The following KHDRBS3 variants were observed in gnomAD, a reference collection of about 807,000 sequenced individuals.
The protein encoded by KHDRBS3 is KH domain-containing, RNA-binding, signal transduction-associated protein 3.
Under a neutral mutation model 45.6 loss-of-function variants are expected in KHDRBS3, and 23 were observed. The ratio of observed to expected loss-of-function variants is 0.50; its 90% CI spans 0.36 to 0.72. The LOEUF is 0.72. KHDRBS3 is among the 30% of genes least tolerant of loss of function. The pLI is 0.00. For synonymous variants in KHDRBS3, 162 were observed against 156.5 expected (o/e 1.04, Z -0.26); for missense variants, 352 against 424.8 (o/e 0.83, Z 1.51).
intron 5 of KHDRBS3, among the ~76,000 whole-genome samples, chr8:135,569,618 A>C (rs995733809): frequency 2.6e-5 from 4 of 152,134 alleles, no homozygotes; most frequent in African/African-American, 9.7e-5. Context: ...GGAAAGAAAA[A>C]ATATATATAT....
At chr8:135,604,188 AAT>A (rs935125428) in intron 6 of KHDRBS3, among the ~76,000 whole-genome samples, 1 of 151,722 alleles carries the variant, frequency 6.6e-6, no homozygotes, top group African/African-American at 2.4e-5. Context: ...ATTTTTCTCT[AAT>A]AATTTTTGTC....
intron 5 of KHDRBS3, among the ~76,000 whole-genome samples, chr8:135,570,045 G>A (rs1393611938): frequency 6.6e-6 from 1 of 151,992 alleles, no homozygotes; most frequent in East Asian, 1.9e-4. Flanking sequence ...AGCCTTACGG[G>A]GCAATTCTGT....
intron 6 of KHDRBS3, among the ~76,000 whole-genome samples, chr8:135,603,737 A>G (rs12680640): frequency 0.16 from 24,502 of 152,040 alleles, 2,971 homozygotes; most frequent in East Asian, 0.53. Context: ...CTTCATATTA[A>G]TATTTATTTT....
At chr8:135,600,065 T>C (rs4314680) in intron 6 of KHDRBS3, among the ~76,000 whole-genome samples, 19,534 of 20,560 alleles carry the variant, frequency 0.95, 9,424 homozygotes, top group East Asian at 1. Context: ...CAGGCACCTC[T>C]CTCACAGCAC....
In KHDRBS3 at chr8:135,537,574, A is replaced by T. The variant is rs73373316; in HGVS notation, c.208-5080A>T. On this transcript the variant is annotated intron_variant, in intron 2 of 8. Transcript: ENST00000355849. ...CATCTTCATAATCACTTGAAAACCA[A>T]CTCAGGGTATGTGACTTTTCCTGAT... 6.8e-3 allele frequency among the ~76,000 whole-genome samples: 1,033 copies of T among 152,296 alleles called. 9 individuals are homozygous for T. Among genetic ancestry groups the T allele is most frequent in the African/African-American group, 0.024 (991 of 41,558 alleles).
intron 4 of KHDRBS3, among the ~76,000 whole-genome samples, chr8:135,654,385 A>G (rs1430822188): frequency 6.6e-6 from 1 of 152,226 alleles, no homozygotes; most frequent in East Asian, 1.9e-4. Context: ...GTCATGGTGC[A>G]TCTTCATATG....
At chr8:135,565,776 T>C (rs1827385314) in intron 5 of KHDRBS3, among the ~76,000 whole-genome samples, 1 of 152,218 alleles carries the variant, frequency 6.6e-6, no homozygotes, top group Non-Finnish European at 1.5e-5. Context: ...CTCAGAGCCT[T>C]CCATTGGAGT....
At position 135,494,568 on chromosome 8, in the gene KHDRBS3, G is replaced by A. The variant is rs1039149378; in HGVS notation, c.89-26669G>A. ...GCTGGGATTACAGGCTTGAGCCACC[G>A]CGCCCAGCCCTCCTCCTTTTGTTTC... On this transcript the variant is annotated intron_variant, in intron 1 of 8. Transcript: ENST00000355849. Among the ~76,000 whole-genome samples the A allele has an allele frequency of 8.0e-4, 122 of 152,158 alleles. 1 individual carries two copies. The highest frequency in any genetic ancestry group is 4.1e-3 in the Admixed American group (62 of 15,270).
intron 1 of KHDRBS3, among the ~76,000 whole-genome samples, chr8:135,512,560 G>A (rs182214159): frequency 6.6e-6 from 1 of 151,924 alleles, no homozygotes; most frequent in Non-Finnish European, 1.5e-5. Flanking sequence ...TATAAAACAA[G>A]TTACAGTTTT....
At chr8:135,552,010 G>T (rs1018929593) in intron 4 of KHDRBS3, among the ~76,000 whole-genome samples, 1 of 152,090 alleles carries the variant, frequency 6.6e-6, no homozygotes, top group African/African-American at 2.4e-5. Context: ...TTTTTGATGA[G>T]AAGAGTCATT....
chr8:135,627,320 G>A (rs1279850497), intron 7 of KHDRBS3, among the ~76,000 whole-genome samples: 1 of 152,184 alleles, frequency 6.6e-6, no homozygotes, highest in Non-Finnish European at 1.5e-5. Flanking sequence ...CTGAGGTTCA[G>A]GCAGGAAGAA....
chr8:135,526,124 G>A (rs1046733114), intron 2 of KHDRBS3, among the ~76,000 whole-genome samples: 1 of 152,038 alleles, frequency 6.6e-6, no homozygotes, highest in Admixed American at 6.6e-5. Flanking sequence ...TATACAGTAG[G>A]ATATGCCATC....
In KHDRBS3 at chr8:135,626,753, G is replaced by A. The variant is rs932617281; in HGVS notation, c.891-18306G>A. Among the ~76,000 whole-genome samples, 3 of 134,846 alleles carry A rather than the reference G, an allele frequency of 2.2e-5. No individual in the cohort carries two copies. In the Admixed American group the frequency reaches 2.5e-4, roughly 11 times the overall value. The allele number at this position is 134,846 out of a possible 152,430, so 88.5% of individuals were successfully genotyped here. ...CGGGAGGCGGAGCTTGCAGTGAGCC[G>A]AGATTGCGCCACCGCACTCCAACCT... is the stretch of plus-strand genomic sequence containing the variant. On this transcript the variant is annotated intron_variant, in intron 7 of 8. Coordinates refer to ENST00000355849, the MANE Select transcript of KHDRBS3 (RefSeq NM_006558.3).
intron 3 of KHDRBS3, among the ~76,000 whole-genome samples, chr8:135,546,889 A>G (rs1487420362): frequency 6.6e-6 from 1 of 152,160 alleles, no homozygotes; most frequent in Non-Finnish European, 1.5e-5. Context: ...GTGGGATTGT[A>G]CCCTGGCTAC....
chr8:135,652,416 C>T (rs1482309692), downstream of KHDRBS3, among the ~76,000 whole-genome samples: 1 of 152,198 alleles, frequency 6.6e-6, no homozygotes, highest in Non-Finnish European at 1.5e-5. Context: ...GCTCAGCCTC[C>T]TTGGCTCTGA....
At chr8:135,603,475 C>G (rs918531415) in intron 6 of KHDRBS3, among the ~76,000 whole-genome samples, 5 of 152,200 alleles carry the variant, frequency 3.3e-5, no homozygotes, top group African/African-American at 1.2e-4. Context: ...AGATCATACT[C>G]AAATTAGTAA....
Position 135,581,866 on chromosome 8 carries a change from T to C in KHDRBS3, c.612-12T>C. 1 of 1,560,944 alleles carries C rather than the reference T, an allele frequency of 6.4e-7. No individual in the cohort carries two copies. Among genetic ancestry groups the C allele is most frequent in the Non-Finnish European group, 8.7e-7 (1 of 1,147,510 alleles). ...ATGATAGATACTGCTAATTTGACTC[T>C]CTTGGTTACAGGGGAAGGGGAGGAG... On this transcript the variant is annotated splice_polypyrimidine_tract_variant and intron_variant, in intron 5 of 8. Transcript: ENST00000355849.
intron 5 of KHDRBS3, among the ~76,000 whole-genome samples, chr8:135,560,356 T>C (rs574136716): frequency 4.1e-4 from 62 of 152,256 alleles, no homozygotes; most frequent in African/African-American, 1.4e-3. Context: ...TATCTTTATA[T>C]ATATGTGTAT....
intron 1 of KHDRBS3, among the ~76,000 whole-genome samples, chr8:135,475,968 T>G (rs1000834387): frequency 1.3e-5 from 2 of 152,140 alleles, no homozygotes; most frequent in African/African-American, 2.4e-5. Flanking sequence ...GGAGGGGCCT[T>G]ATGGAGTTAC....
Sources: allele counts gnomAD v4.1 joint callset (sites outside exome capture counted in the v4.1 genomes callset), GRCh38; gene constraint gnomAD v4.1.1; transcripts MANE v1.5; gene names NCBI Gene and HGNC (gene_info 2026-07-23, HGNC 2026-07-21).